Variants in MAP3K20 observed in about 807,000 individuals in gnomAD.
MAP3K20 encodes HCCS-4.
MAP3K20 carries 40 observed loss-of-function variants against 85.7 expected under a neutral mutation model. That is an observed-to-expected ratio of 0.47 (90% CI 0.36 to 0.61). The LOEUF (loss-of-function observed/expected upper bound fraction) is 0.61. MAP3K20 is among the 20% of genes least tolerant of loss of function. MAP3K20 has a pLI of 0.00. For missense variants in MAP3K20, 817 were observed against 961.7 expected, an observed-to-expected ratio of 0.85 and a Z score of 1.99; for synonymous variants, 325 against 327.7, an observed-to-expected ratio of 0.99 and a Z score of 0.09.
At chr2:173,141,845 C>G (rs1224060041) in intron 2 of MAP3K20, among the ~76,000 whole-genome samples, 1 of 152,062 alleles carries the variant, frequency 6.6e-6, no homozygotes, top group Non-Finnish European at 1.5e-5. Context: ...AAAAAAGACA[C>G]ATTACATAAA....
chr2:173,241,098 G>C (rs566045368), intron 16 of MAP3K20, among the ~76,000 whole-genome samples: 4 of 152,154 alleles, frequency 2.6e-5, no homozygotes, highest in Non-Finnish European at 4.4e-5. Context: ...GCATAGCAGG[G>C]GAGGGCAAGA....
Position 173,238,531 on chromosome 2 carries a change from G to A in MAP3K20, c.1266+96G>A, listed in dbSNP as rs954576971. ...AAATTTGCCAATGTCAGTAATGGTT[G>A]TTTGAAGTGAAATTTCATCATATCT... On this transcript the variant is annotated intron_variant, in intron 15 of 19. Coordinates refer to ENST00000375213, the MANE Select transcript of MAP3K20 (RefSeq NM_016653.3). 5.3e-6 allele frequency: 6 copies of A among 1,133,182 alleles called. No individual in the cohort carries two copies. The Admixed American group carries it at 1.4e-4, about 26-fold the overall frequency. 70.2% of individuals were successfully genotyped at this position (1,133,182 alleles called of 1,614,324 possible).
chr2:173,216,862 C>T (rs1466935667), intron 10 of MAP3K20, among the ~76,000 whole-genome samples: 2 of 152,298 alleles, frequency 1.3e-5, no homozygotes, highest in Admixed American at 1.3e-4. Flanking sequence ...TACCAGGACA[C>T]CAGCTCCATA....
chr2:173,216,630 GATT>G (rs1296028424), intron 10 of MAP3K20, among the ~76,000 whole-genome samples: 1 of 152,054 alleles, frequency 6.6e-6, no homozygotes, highest in Non-Finnish European at 1.5e-5. Context: ...TTAGTCAATT[GATT>G]GCTTGGGTTA....
At position 173,261,109 on chromosome 2, in the gene MAP3K20, AGACT is replaced by A; in HGVS notation, c.1525_1528del (p.Thr509TrpfsTer34). 1 of 1,613,702 alleles carries A rather than the reference AGACT, an allele frequency of 6.2e-7. No homozygotes were observed. Among genetic ancestry groups the A allele is most frequent in the Non-Finnish European group, 8.5e-7 (1 of 1,179,654 alleles). ...TGGATTGTAGGAATAGCAAAAAGTC[AGACT>A]GTGGAGTGCACTGTCACATATGAGG... is the stretch of plus-strand genomic sequence containing the variant. On this transcript the variant is annotated frameshift_variant, in exon 18 of 20. Coordinates refer to ENST00000375213, the MANE Select transcript of MAP3K20 (RefSeq NM_016653.3). LOFTEE classifies it high-confidence loss of function.
intron 2 of MAP3K20, among the ~76,000 whole-genome samples, chr2:173,122,029 G>A (rs1029996252): frequency 1.3e-5 from 2 of 152,232 alleles, no homozygotes; most frequent in African/African-American, 4.8e-5. Context: ...TGTGCCCAAT[G>A]TGAGAGGTCT....
intron 11 of MAP3K20, among the ~76,000 whole-genome samples, chr2:173,218,517 A>G (rs1401351018): frequency 1.3e-5 from 2 of 152,248 alleles, no homozygotes; most frequent in Non-Finnish European, 2.9e-5. Flanking sequence ...GCTGAGTGGC[A>G]GCAGGCAGCC....
At chr2:173,222,736 G>A in intron 11 of MAP3K20, 4 of 985,374 alleles carry the variant, frequency 4.1e-6, no homozygotes, top group Non-Finnish European at 4.8e-6. Flanking sequence ...ATCAAGTTTA[G>A]CCTACCAGGG....
intron 9 of MAP3K20, among the ~76,000 whole-genome samples, chr2:173,205,634 A>G (rs1389307100): frequency 2.0e-5 from 3 of 152,156 alleles, no homozygotes; most frequent in Non-Finnish European, 4.4e-5. Flanking sequence ...TCTCCCAGCA[A>G]CAAACTGTGC....
intron 11 of MAP3K20, chr2:173,226,820 T>G: frequency 6.1e-6 from 6 of 984,178 alleles, no homozygotes; most frequent in Non-Finnish European, 7.2e-6. Flanking sequence ...TTTATATTCT[T>G]TGAGTGTGAG....
intron 2 of MAP3K20, among the ~76,000 whole-genome samples, chr2:173,114,843 T>C (rs889535049): frequency 6.6e-6 from 1 of 152,238 alleles, no homozygotes; most frequent in African/African-American, 2.4e-5. Context: ...TAAGATTCTT[T>C]CCTTCGTCTT....
intron 10 of MAP3K20, among the ~76,000 whole-genome samples, chr2:173,213,431 G>C (rs886975329): frequency 6.6e-6 from 1 of 152,168 alleles, no homozygotes; most frequent in African/African-American, 2.4e-5. Flanking sequence ...CAGTAGAGCT[G>C]TTTTCACTGA....
intron 7 of MAP3K20, among the ~76,000 whole-genome samples, chr2:173,193,933 G>A (rs774861180): frequency 6.6e-6 from 1 of 152,110 alleles, no homozygotes; most frequent in Non-Finnish European, 1.5e-5. Context: ...AAACAAACTC[G>A]ACCACCAGCC....
At position 173,258,728 on chromosome 2, in the gene MAP3K20, G is replaced by T. The variant is rs760368933; in HGVS notation, c.1389G>T (p.Met463Ile). The T allele has an allele frequency of 2.9e-5, 47 of 1,610,712 alleles. No homozygotes were observed. In the East Asian group the frequency reaches 8.7e-4, roughly 30 times the overall value. ...GTAAGTGGAAAATGTATATGGAGAT[G>T]GATGGGGATGAAATTGCAATAACCT... ...QDCKWKMYME[M>I]DGDEIAITYI... The change falls in exon 17 of 20, where the codon ATG (methionine) becomes ATT (isoleucine). Residue 463 changes from methionine (M) to isoleucine (I), a missense_variant. Physicochemically the swap from Met to Ile is conservative, Grantham distance 10. Coordinates refer to ENST00000375213, the MANE Select transcript of MAP3K20 (RefSeq NM_016653.3).
chr2:173,086,016 G>A (rs903911227), intron 1 of MAP3K20, among the ~76,000 whole-genome samples: 5 of 151,752 alleles, frequency 3.3e-5, no homozygotes, highest in South Asian at 4.2e-4. Flanking sequence ...GGCTGGTCTC[G>A]AACTCCTGAC....
chr2:173,191,177 G>A lies in MAP3K20; in HGVS notation c.582G>A (p.Val194=). ...SETCDTYSYG[V]VLWEMLTREV... ...CTTGTGACACATATTCCTATGGTGT[G>A]GTGAGTTCATTTCTCATTTCTTGTT... The change falls in exon 7 of 20, where the codon GTG becomes GTA. Residue 194 remains valine (V), a splice_region_variant and synonymous_variant. Coordinates refer to ENST00000375213, the MANE Select transcript of MAP3K20 (RefSeq NM_016653.3). 2 of 1,612,010 alleles carry A rather than the reference G, an allele frequency of 1.2e-6. No individual in the cohort carries two copies. Among genetic ancestry groups the A allele is most frequent in the Non-Finnish European group, 8.5e-7 (1 of 1,179,466 alleles).
Position 173,266,702 on chromosome 2 carries a change from C to G in MAP3K20, c.2355C>G (p.Thr785=). ...CCCACAGGCCATCTCCCGCCAAAACCAATAAAGAGAGAGCCAGAGGGGACC... is the reference window on the plus strand; with the variant it reads ...CCCACAGGCCATCTCCCGCCAAAACGAATAAAGAGAGAGCCAGAGGGGACC... ...KKPHRPSPAK[T]NKERARGDHR... The change falls in exon 20 of 20, where the codon ACC becomes ACG. Residue 785 remains threonine, a synonymous_variant. Transcript: ENST00000375213. 6.3e-7 allele frequency: 1 copy of G among 1,588,086 alleles called. No individual in the cohort carries two copies. Among genetic ancestry groups the G allele is most frequent in the Non-Finnish European group, 8.6e-7 (1 of 1,168,064 alleles).
At chr2:173,228,097 G>A (rs1345118735) in intron 11 of MAP3K20, among the ~76,000 whole-genome samples, 1 of 152,168 alleles carries the variant, frequency 6.6e-6, no homozygotes, top group Non-Finnish European at 1.5e-5. Flanking sequence ...ACCCTGGAGG[G>A]AAGGGAAGCA....
At chr2:173,241,230 G>T (rs914462451) in intron 16 of MAP3K20, among the ~76,000 whole-genome samples, 4 of 152,098 alleles carry the variant, frequency 2.6e-5, no homozygotes, top group African/African-American at 9.7e-5. Flanking sequence ...TAAAAGAGTG[G>T]AACTGGGATG....
Sources: allele counts gnomAD v4.1 joint callset (sites outside exome capture counted in the v4.1 genomes callset), GRCh38; gene constraint gnomAD v4.1.1; transcripts MANE v1.5; gene names NCBI Gene and HGNC (gene_info 2026-07-23, HGNC 2026-07-21).